The following CNTNAP2 variants were observed in gnomAD, a reference collection of about 807,000 sequenced individuals.
CNTNAP2 encodes contactin associated protein 2, also known as contactin-associated protein-like 2.
A neutral mutation model predicts 155.2 loss-of-function variants in CNTNAP2; 98 were observed. That is an observed-to-expected ratio of 0.63 (90% CI 0.54 to 0.75). The LOEUF (loss-of-function observed/expected upper bound fraction) is 0.75. Among genes scored for constraint, CNTNAP2 ranks in the 30% least tolerant of loss-of-function variants. CNTNAP2 has a pLI of 0.00. For synonymous variants in CNTNAP2, 651 were observed against 631.2 expected (o/e 1.03, Z -0.47); for missense variants, 1,727 against 1,688.1 (o/e 1.02, Z -0.40).
intron 8 of CNTNAP2, among the ~76,000 whole-genome samples, chr7:147,168,042 A>G (rs1490678699): frequency 1.3e-5 from 2 of 148,948 alleles, no homozygotes; most frequent in Non-Finnish European, 3.0e-5. Context: ...TTACATATGT[A>G]TATATAAAAT....
chr7:148,008,439 A>C (rs1042673211), intron 15 of CNTNAP2, among the ~76,000 whole-genome samples: 1 of 152,162 alleles, frequency 6.6e-6, no homozygotes, highest in Non-Finnish European at 1.5e-5. Context: ...TTGATTAAAA[A>C]TCTGTCAAGA....
chr7:147,468,145 G>C (rs1171304641), intron 10 of CNTNAP2, among the ~76,000 whole-genome samples: 1 of 151,960 alleles, frequency 6.6e-6, no homozygotes, highest in African/African-American at 2.4e-5. Context: ...AATATAATTA[G>C]TTGGGTGTAG....
In CNTNAP2 at chr7:147,880,605, TAA is replaced by T. The variant is rs11311568; in HGVS notation, c.2099-22948_2099-22947del. On this transcript the variant is annotated intron_variant, in intron 13 of 23. Transcript: ENST00000361727. ...GTGCCAACTTTTTCATTGTTTGAGT[TAA>T]AAAAAAAAAAAGTTAAGACTAACAG... is the stretch of plus-strand genomic sequence containing the variant. 1.8e-3 allele frequency among the ~76,000 whole-genome samples: 264 copies of T among 147,294 alleles called. 2 individuals are homozygous for T. The highest frequency in any genetic ancestry group is 3.5e-3 in the Middle Eastern group (1 of 286).
chr7:146,334,537 C>T (rs992770586), intron 1 of CNTNAP2, among the ~76,000 whole-genome samples: 3 of 151,666 alleles, frequency 2.0e-5, no homozygotes, highest in Non-Finnish European at 1.5e-5. Context: ...TGTCTTCTTT[C>T]ATGGCACCTG....
intron 5 of CNTNAP2, among the ~76,000 whole-genome samples, chr7:147,120,625 C>CT (rs921140971): frequency 4.6e-5 from 7 of 151,122 alleles, no homozygotes; most frequent in Middle Eastern, 3.4e-3. Context: ...ATTTATTTTT[C>CT]TTTTTTTTCA....
At chr7:148,380,020 G>C (rs1469065904) in intron 21 of CNTNAP2, among the ~76,000 whole-genome samples, 1 of 152,214 alleles carries the variant, frequency 6.6e-6, no homozygotes, top group Non-Finnish European at 1.5e-5. Flanking sequence ...ACCCGGAATT[G>C]TGTCAGTGTT....
intron 1 of CNTNAP2, among the ~76,000 whole-genome samples, chr7:146,552,454 T>C (rs572149193): frequency 8.5e-5 from 13 of 152,150 alleles, no homozygotes; most frequent in Non-Finnish European, 1.6e-4. Context: ...CGATCACTTC[T>C]AACCAACCAA....
chr7:147,876,495 C>T (rs554745742), intron 13 of CNTNAP2, among the ~76,000 whole-genome samples: 15 of 152,186 alleles, frequency 9.9e-5, no homozygotes, highest in African/African-American at 3.4e-4. Flanking sequence ...TATTGTAGAA[C>T]GAGAAAAGGA....
intron 1 of CNTNAP2, among the ~76,000 whole-genome samples, chr7:146,681,266 CT>C (rs1294085772): frequency 1.3e-5 from 2 of 150,442 alleles, no homozygotes; most frequent in Non-Finnish European, 3.0e-5. Context: ...TGAGTCTTGC[CT>C]TTTGGGAGAC....
chr7:147,977,880 C>G lies in CNTNAP2; in HGVS notation c.2274C>G (p.Phe758Leu), dbSNP rs778143284. Residue 758 changes from phenylalanine (F) to leucine (L), a missense_variant, in exon 15 of 24, where the codon TTC becomes TTG. Phe to Leu is a conservative substitution (Grantham distance 22, BLOSUM62 0). Coordinates refer to ENST00000361727, the MANE Select transcript of CNTNAP2 (RefSeq NM_014141.6). The stretch of plus-strand genomic sequence containing the variant: ...GATCCAGGAGGAAGGATGCTGGTTT[C>G]TTATCATACAAAGATCACCTGCCAG... ...DYKQWRKDAG[F>L]LSYKDHLPVS... 3.0e-5 allele frequency: 48 copies of G among 1,614,122 alleles called. No homozygotes were observed. The highest frequency in any genetic ancestry group is 1.7e-4 in the Middle Eastern group (1 of 6,056).
chr7:146,503,855 G>C (rs137877054), intron 1 of CNTNAP2, among the ~76,000 whole-genome samples: 1 of 152,116 alleles, frequency 6.6e-6, no homozygotes, highest in Non-Finnish European at 1.5e-5. Context: ...ACCTGAGCTG[G>C]GGTCTGAGGG....
chr7:146,687,654 ATCATT>A lies in CNTNAP2; in HGVS notation c.98-86610_98-86606del, dbSNP rs1233197516. ...GCTTTTTAAAGAATCAAGTTATCAG[ATCATT>A]TCATTTTCAGATATTAAAAAATAAT... On this transcript the variant is annotated intron_variant, in intron 1 of 23. Transcript: ENST00000361727. 7.2e-5 allele frequency among the ~76,000 whole-genome samples: 11 copies of A among 152,200 alleles called. 1 individual carries two copies. The highest frequency in any genetic ancestry group is 1.3e-4 in the Non-Finnish European group (9 of 68,036).
At chr7:146,500,956 T>C (rs1473500012) in intron 1 of CNTNAP2, among the ~76,000 whole-genome samples, 1 of 152,120 alleles carries the variant, frequency 6.6e-6, no homozygotes, top group Non-Finnish European at 1.5e-5. Flanking sequence ...CCAAAATTTT[T>C]TTCAATCTAT....
intron 2 of CNTNAP2, among the ~76,000 whole-genome samples, chr7:146,805,190 G>A (rs1802945583): frequency 6.6e-6 from 1 of 152,126 alleles, no homozygotes; most frequent in Non-Finnish European, 1.5e-5. Context: ...GCATCAGAGA[G>A]ACCATATGGC....
At chr7:147,642,512 C>G (rs563406861) in intron 13 of CNTNAP2, among the ~76,000 whole-genome samples, 1 of 152,060 alleles carries the variant, frequency 6.6e-6, no homozygotes, top group Non-Finnish European at 1.5e-5. Context: ...CACCGTGAAG[C>G]CTCACACACA....
chr7:147,388,452 T>A (rs1310690920), intron 9 of CNTNAP2, among the ~76,000 whole-genome samples: 1 of 152,208 alleles, frequency 6.6e-6, no homozygotes, highest in Non-Finnish European at 1.5e-5. Context: ...ATAGGAACCA[T>A]CTGTATATTG....
At chr7:147,766,765 A>T (rs1208434714) in intron 13 of CNTNAP2, among the ~76,000 whole-genome samples, 1 of 152,104 alleles carries the variant, frequency 6.6e-6, no homozygotes, top group East Asian at 1.9e-4. Flanking sequence ...AACTACACAT[A>T]AAGTTTGGTA....
intron 11 of CNTNAP2, among the ~76,000 whole-genome samples, chr7:147,557,701 G>A (rs1299272713): frequency 1.3e-5 from 2 of 152,130 alleles, no homozygotes; most frequent in Non-Finnish European, 2.9e-5. Context: ...CTCATTCTCT[G>A]CATAAAAAAA....
intron 3 of CNTNAP2, among the ~76,000 whole-genome samples, chr7:146,898,185 G>T (rs1363137388): frequency 6.6e-6 from 1 of 151,812 alleles, no homozygotes. Flanking sequence ...ATTATCTTCT[G>T]GATTTTAATA....
Sources: allele counts gnomAD v4.1 joint callset (sites outside exome capture counted in the v4.1 genomes callset), GRCh38; gene constraint gnomAD v4.1.1; transcripts MANE v1.5; gene names NCBI Gene and HGNC (gene_info 2026-07-23, HGNC 2026-07-21).